The following SGCD variants were observed in gnomAD, a reference collection of about 807,000 sequenced individuals.
SGCD encodes delta-sarcoglycan.
Under a neutral mutation model 36.6 loss-of-function variants are expected in SGCD, and 18 were observed. The observed-to-expected ratio is 0.49, with a 90% CI of 0.34 to 0.73. The LOEUF (loss-of-function observed/expected upper bound fraction) is 0.73. Ranked by LOEUF, SGCD falls within the 30% of genes least tolerant of loss-of-function variation. SGCD has a pLI of 0.01. For missense variants in SGCD, 387 were observed against 346.7 expected, an observed-to-expected ratio of 1.12 and a Z score of -0.92; for synonymous variants, 133 against 130.6, an observed-to-expected ratio of 1.02 and a Z score of -0.12.
At chr5:156,647,366 A>G (rs1213645426) in intron 6 of SGCD, 98 bp from the exon 7 acceptor site, 3 of 750,400 alleles carry the variant, frequency 4.0e-6, no homozygotes, top group African/African-American at 1.8e-5. Flanking sequence ...GGGTTGTGTA[A>G]TGGATTCGCT....
the SGCD span, among the ~76,000 whole-genome samples, chr5:155,832,981 A>T: frequency 6.7e-6 from 1 of 149,462 alleles, no homozygotes; most frequent in African/African-American, 2.5e-5. Flanking sequence ...TGGGAGGCTG[A>T]GGCGGATCAC....
chr5:156,622,218 A>T (rs1762277568), intron 6 of SGCD, among the ~76,000 whole-genome samples: 1 of 152,052 alleles, frequency 6.6e-6, no homozygotes, highest in African/African-American at 2.4e-5. Context: ...GGATTACCTG[A>T]GGTCAGGATT....
At chr5:156,266,224 A>C (rs749192527) in intron 3 of SGCD, among the ~76,000 whole-genome samples, 3 of 152,254 alleles carry the variant, frequency 2.0e-5, no homozygotes, top group Non-Finnish European at 4.4e-5. Flanking sequence ...AAGGTGTTAA[A>C]TTGACTGAAT....
intron 1 of SGCD, among the ~76,000 whole-genome samples, chr5:155,977,417 C>T (rs1193692500): frequency 6.6e-6 from 1 of 152,180 alleles, no homozygotes; most frequent in Non-Finnish European, 1.5e-5. Context: ...CTATAAACTC[C>T]ATAATACTGG....
chr5:155,836,743 G>A, the SGCD span, among the ~76,000 whole-genome samples: 1 of 152,126 alleles, frequency 6.6e-6, no homozygotes, highest in Non-Finnish European at 1.5e-5. Flanking sequence ...CCTGCCCAGG[G>A]AGAGGTATTT....
intron 1 of SGCD, among the ~76,000 whole-genome samples, chr5:155,955,581 G>A (rs905084601): frequency 6.6e-6 from 1 of 151,824 alleles, no homozygotes; most frequent in African/African-American, 2.4e-5. Context: ...ACATATTATT[G>A]GAACTCTCAT....
chr5:155,765,737 T>A, the SGCD span, among the ~76,000 whole-genome samples: 1 of 151,868 alleles, frequency 6.6e-6, no homozygotes, highest in Non-Finnish European at 1.5e-5. Context: ...ACAAAAACAA[T>A]AAAGAGATAG....
the SGCD span, among the ~76,000 whole-genome samples, chr5:155,840,488 A>G: frequency 6.8e-6 from 1 of 146,714 alleles, no homozygotes; most frequent in East Asian, 2.0e-4. Context: ...ACGGGGTTTC[A>G]CCGTGTTAGC....
intron 3 of SGCD, among the ~76,000 whole-genome samples, chr5:156,458,149 A>ATCC (rs1754335450): frequency 6.6e-6 from 1 of 152,036 alleles, no homozygotes; most frequent in Non-Finnish European, 1.5e-5. Context: ...CTGAAGGAGA[A>ATCC]TCCTCATTCC....
chr5:156,584,406 T>C (rs1760408023), intron 4 of SGCD, among the ~76,000 whole-genome samples: 1 of 152,206 alleles, frequency 6.6e-6, no homozygotes, highest in Non-Finnish European at 1.5e-5. Context: ...CCTGGTAGTT[T>C]GTAGACTCCG....
intron 1 of SGCD, among the ~76,000 whole-genome samples, chr5:155,896,523 A>G (rs244974): frequency 0.91 from 136,788 of 150,228 alleles, 62,404 homozygotes; most frequent in African/African-American, 0.96. Flanking sequence ...ATGTGCGCTT[A>G]TAGTTCCAGC....
chr5:155,849,824 G>A, the SGCD span, among the ~76,000 whole-genome samples: 1 of 152,124 alleles, frequency 6.6e-6, no homozygotes, highest in Non-Finnish European at 1.5e-5. Flanking sequence ...TATCATAACT[G>A]GCAGAAGTAC....
chr5:155,882,802 A>G (rs1755917809), intron 1 of SGCD, among the ~76,000 whole-genome samples: 1 of 152,208 alleles, frequency 6.6e-6, no homozygotes, highest in Non-Finnish European at 1.5e-5. Context: ...CATTGGCTTC[A>G]ACTTGAAGTT....
At chr5:156,069,461 C>G (rs1254814632) in intron 1 of SGCD, among the ~76,000 whole-genome samples, 4 of 152,070 alleles carry the variant, frequency 2.6e-5, no homozygotes, top group Non-Finnish European at 5.9e-5. Flanking sequence ...TCTAAGGGGT[C>G]TCTTCCATTC....
At chr5:156,490,856 C>T (rs372693414) in intron 3 of SGCD, among the ~76,000 whole-genome samples, 2 of 152,042 alleles carry the variant, frequency 1.3e-5, no homozygotes, top group East Asian at 1.9e-4. Flanking sequence ...TTCTAGCAAG[C>T]GCATTCAGTC....
At chr5:156,106,767 CA>C (rs1334204150) in intron 1 of SGCD, among the ~76,000 whole-genome samples, 1 of 152,082 alleles carries the variant, frequency 6.6e-6, no homozygotes, top group African/African-American at 2.4e-5. Flanking sequence ...CTTTCTTGCC[CA>C]CTAATATCTG....
the SGCD span, among the ~76,000 whole-genome samples, chr5:155,790,809 A>C: frequency 6.6e-6 from 1 of 152,144 alleles, no homozygotes; most frequent in South Asian, 2.1e-4. Context: ...GCTGCAAGAC[A>C]ATGATTTTAT....
chr5:156,130,315 C>T (rs1762286246), intron 3 of SGCD, among the ~76,000 whole-genome samples: 1 of 152,064 alleles, frequency 6.6e-6, no homozygotes, highest in Admixed American at 6.6e-5. Context: ...ATGTCCTTTG[C>T]CTACTTTTTA....
intron 3 of SGCD, among the ~76,000 whole-genome samples, chr5:156,507,925 A>G (rs1362022307): frequency 6.6e-6 from 1 of 152,152 alleles, no homozygotes; most frequent in African/African-American, 2.4e-5. Flanking sequence ...GATATTAAGG[A>G]ATGATTGTTA....
Sources: allele counts gnomAD v4.1 joint callset (sites outside exome capture counted in the v4.1 genomes callset), GRCh38; gene constraint gnomAD v4.1.1; transcripts MANE v1.5; gene names NCBI Gene and HGNC (gene_info 2026-07-23, HGNC 2026-07-21).